Variants in SAMD5 observed in about 807,000 individuals in gnomAD.
The protein encoded by SAMD5 is sterile alpha motif domain containing 5.
In SAMD5, 13 loss-of-function variants were observed where a neutral mutation model predicts 11.3. The observed-to-expected ratio is 1.15, with a 90% CI of 0.75 to 1.83. SAMD5 has a LOEUF of 1.83. SAMD5 is among the 40% of genes most tolerant of loss of function. The pLI is 0.00. For synonymous variants in SAMD5, 129 were observed against 111.3 expected, an observed-to-expected ratio of 1.16 and a Z score of -1.00; for missense variants, 255 against 239.1, an observed-to-expected ratio of 1.07 and a Z score of -0.44.
At chr6:147,838,827 A>G in the SAMD5 span, among the ~76,000 whole-genome samples, 1 of 152,084 alleles carries the variant, frequency 6.6e-6, no homozygotes, top group East Asian at 1.9e-4. Flanking sequence ...AGCCCTCCAC[A>G]TATCATCGGT....
At chr6:147,797,140 T>C in the SAMD5 span, among the ~76,000 whole-genome samples, 1 of 114,292 alleles carries the variant, frequency 8.7e-6, no homozygotes, top group Admixed American at 8.8e-5. Context: ...ATCCCTGTCT[T>C]GTGCCAGTTT....
chr6:147,729,318 C>G (rs1295649454), intron 1 of SAMD5, among the ~76,000 whole-genome samples: 1 of 152,110 alleles, frequency 6.6e-6, no homozygotes, highest in African/African-American at 2.4e-5. Context: ...ACAATTCAGC[C>G]CGTAACAAAA....
chr6:147,594,562 T>C (rs1310948058), intron 1 of SAMD5, among the ~76,000 whole-genome samples: 1 of 152,204 alleles, frequency 6.6e-6, no homozygotes, highest in Admixed American at 6.5e-5. Flanking sequence ...CTTTAAAGTC[T>C]ATTATTATTA....
At chr6:147,564,319 C>A in intron 1 of SAMD5, 75 bp from the exon 2 acceptor site, 2 of 758,476 alleles carry the variant, frequency 2.6e-6, no homozygotes, top group Non-Finnish European at 4.9e-6. Flanking sequence ...AAAATAGGAG[C>A]AGAAATCCAT....
the SAMD5 span, among the ~76,000 whole-genome samples, chr6:147,951,873 T>C: frequency 2.6e-5 from 4 of 152,218 alleles, no homozygotes; most frequent in Non-Finnish European, 5.9e-5. Context: ...AGACTCTTAA[T>C]GTGTATTAGC....
chr6:147,587,270 C>T (rs189816180), intron 1 of SAMD5, among the ~76,000 whole-genome samples: 12 of 152,184 alleles, frequency 7.9e-5, no homozygotes, highest in South Asian at 4.1e-4. Context: ...TGGAGTTTCA[C>T]GCTGTTGTCC....
At chr6:147,511,518 G>A (rs1788089965) in intron 1 of SAMD5, among the ~76,000 whole-genome samples, 1 of 151,978 alleles carries the variant, frequency 6.6e-6, no homozygotes, top group African/African-American at 2.4e-5. Context: ...ACAAAGATAT[G>A]CTCCTATTCA....
the SAMD5 span, chr6:147,953,906 T>C: frequency 1.3e-5 from 2 of 152,218 alleles, no homozygotes; most frequent in African/African-American, 2.4e-5. Context: ...AAGATAATCA[T>C]CATTTGCTAG....
chr6:147,739,855 T>C (rs2128460656), downstream of SAMD5, among the ~76,000 whole-genome samples: 1 of 152,318 alleles, frequency 6.6e-6, no homozygotes, highest in South Asian at 2.1e-4. Context: ...AGGCTTGCTC[T>C]GTCACCCAGG....
At chr6:147,912,773 A>T in the SAMD5 span, among the ~76,000 whole-genome samples, 1 of 152,182 alleles carries the variant, frequency 6.6e-6, no homozygotes, top group Admixed American at 6.5e-5. Flanking sequence ...CCAGGAACGG[A>T]TACAGAGTGA....
the SAMD5 span, among the ~76,000 whole-genome samples, chr6:147,909,193 A>AC: frequency 1.3e-5 from 2 of 152,154 alleles, no homozygotes; most frequent in African/African-American, 4.8e-5. Context: ...TAGGCTGGAG[A>AC]CCCTGCAACA....
At chr6:147,719,777 C>A (rs1791521100) in intron 1 of SAMD5, among the ~76,000 whole-genome samples, 1 of 152,086 alleles carries the variant, frequency 6.6e-6, no homozygotes, top group South Asian at 2.1e-4. Flanking sequence ...TGCTAAAAAA[C>A]CTAAAAAATA....
chr6:147,925,688 T>C, the SAMD5 span, among the ~76,000 whole-genome samples: 1 of 150,958 alleles, frequency 6.6e-6, no homozygotes, highest in East Asian at 1.9e-4. Flanking sequence ...AATTCTTTTT[T>C]TTTTTTTTTT....
downstream of SAMD5, among the ~76,000 whole-genome samples, chr6:147,572,262 T>C (rs1789148162): frequency 6.6e-6 from 1 of 152,176 alleles, no homozygotes; most frequent in African/African-American, 2.4e-5. Context: ...GATAGTGGCT[T>C]TCTCCCCTAT....
At chr6:147,530,384 C>T (rs2128441037) in intron 1 of SAMD5, among the ~76,000 whole-genome samples, 1 of 152,316 alleles carries the variant, frequency 6.6e-6, no homozygotes, top group African/African-American at 2.4e-5. Context: ...ATGGTGTGTG[C>T]GCAGCACAAA....
intron 1 of SAMD5, among the ~76,000 whole-genome samples, chr6:147,524,416 TTTG>T (rs1235247308): frequency 6.7e-6 from 1 of 149,678 alleles, no homozygotes; most frequent in African/African-American, 2.5e-5. Flanking sequence ...TGTTTTTGTT[TTTG>T]TTGTTTTTTT....
At chr6:147,732,200 C>G (rs76211681) in intron 1 of SAMD5, among the ~76,000 whole-genome samples, 1 of 152,128 alleles carries the variant, frequency 6.6e-6, no homozygotes, top group Non-Finnish European at 1.5e-5. Flanking sequence ...AATTTCTAGG[C>G]CTTCTGAACA....
chr6:147,535,261 G>A (rs538748987), intron 1 of SAMD5, among the ~76,000 whole-genome samples: 1 of 152,316 alleles, frequency 6.6e-6, no homozygotes, highest in African/African-American at 2.4e-5. Context: ...AGCCCTGGTT[G>A]AGCTTCCAAG....
At chr6:147,669,383 G>A (rs1790764319) in intron 1 of SAMD5, among the ~76,000 whole-genome samples, 1 of 149,272 alleles carries the variant, frequency 6.7e-6, no homozygotes, top group South Asian at 2.1e-4. Flanking sequence ...TTAATCGTGA[G>A]CTTGTAGCCA....
Sources: allele counts gnomAD v4.1 joint callset (sites outside exome capture counted in the v4.1 genomes callset), GRCh38; gene constraint gnomAD v4.1.1; transcripts MANE v1.5; gene names NCBI Gene and HGNC (gene_info 2026-07-23, HGNC 2026-07-21).